INSR: variants seen among roughly 807,000 people sequenced by gnomAD.
INSR encodes insulin receptor.
A neutral mutation model predicts 142.6 loss-of-function variants in INSR; 67 were observed. The observed-to-expected ratio is 0.47, with a 90% CI of 0.39 to 0.58. The LOEUF (loss-of-function observed/expected upper bound fraction) is 0.58. INSR is among the 20% of genes least tolerant of loss of function. INSR has a pLI of 0.00. For missense variants in INSR, 1,248 were observed against 1,833.2 expected (o/e 0.68, Z 5.83); for synonymous variants, 756 against 743.1 (o/e 1.02, Z -0.28).
chr19:7,143,979 C>A (rs1481941188), intron 11 of INSR, among the ~76,000 whole-genome samples: 1 of 151,102 alleles, frequency 6.6e-6, no homozygotes, highest in Non-Finnish European at 1.5e-5. Context: ...TGCTTGAACC[C>A]GGGAGGCGGA....
chr19:7,188,212 T>G (rs1381418417), intron 2 of INSR, among the ~76,000 whole-genome samples: 1 of 152,056 alleles, frequency 6.6e-6, no homozygotes, highest in Non-Finnish European at 1.5e-5. Context: ...GCTAACACAT[T>G]ATCTCATTAC....
At chr19:7,152,439 G>A (rs1973394791) in intron 10 of INSR, 1 of 461,852 alleles carries the variant, frequency 2.2e-6, no homozygotes, top group Non-Finnish European at 4.0e-6. Context: ...AACGGAGTTT[G>A]TTTTGGAACT....
chr19:7,241,547 G>C (rs570452564), intron 2 of INSR, among the ~76,000 whole-genome samples: 1 of 151,888 alleles, frequency 6.6e-6, no homozygotes, highest in African/African-American at 2.4e-5. Flanking sequence ...ACTTGAACCC[G>C]GGAGGCAGAG....
intron 1 of INSR, among the ~76,000 whole-genome samples, chr19:7,281,822 C>T (rs991465034): frequency 2.6e-5 from 4 of 152,154 alleles, no homozygotes; most frequent in Non-Finnish European, 5.9e-5. Flanking sequence ...TTTCCACATT[C>T]CCACAAAGGC....
rs550741859 is a variant in INSR at position 7,214,680 on chromosome 19, C to T, written c.653-30043G>A. Among the ~76,000 whole-genome samples, 3 of 152,312 alleles carry T rather than the reference C, an allele frequency of 2.0e-5. No homozygotes were observed. In the East Asian group the frequency reaches 5.8e-4, roughly 29 times the overall value. On this transcript the variant is annotated intron_variant, in intron 2 of 21. Coordinates refer to ENST00000302850, the MANE Select transcript of INSR (RefSeq NM_000208.4). ...TTTGCAAATGCTGTCTTATTTCATC[C>T]ACTCAATGACCATAGAGGAAGATAT... is the stretch of plus-strand genomic sequence containing the variant.
At chr19:7,266,311 A>G (rs756399094) in intron 2 of INSR, among the ~76,000 whole-genome samples, 1 of 152,162 alleles carries the variant, frequency 6.6e-6, no homozygotes, top group South Asian at 2.1e-4. Flanking sequence ...AAGCAAGCCT[A>G]AAGAAACAAC....
rs1967770414 is a variant in INSR at position 7,267,435 on chromosome 19, C to T, written c.562G>A (p.Gly188Ser). ...DNEECGDICPGTAKGKTNCPA... is the reference protein window; with the variant it reads ...DNEECGDICPSTAKGKTNCPA... ...CAGTTGGTCTTGCCCTTCGCGGTAC[C>T]CGGACAGATGTCTCCACACTCCTCG... The change falls in exon 2 of 22, where the codon GGT becomes AGT. Residue 188 changes from glycine (G) to serine (S), a missense_variant. By Grantham distance (56) the Gly-to-Ser change is moderately conservative. This residue lies in a region of INSR where 1,069 missense variants were observed against 1,654.0 expected (regional missense o/e 0.65). Transcript: ENST00000302850. The surrounding 1 kb of genome is among the most constrained non-coding windows in gnomAD (Gnocchi z 6.3). The T allele has an allele frequency of 1.9e-6, 3 of 1,613,932 alleles. No individual in the cohort carries two copies. The highest frequency in any genetic ancestry group is 2.5e-6 in the Non-Finnish European group (3 of 1,179,996).
At chr19:7,130,002 G>A (rs1681915809) in intron 14 of INSR, among the ~76,000 whole-genome samples, 1 of 151,192 alleles carries the variant, frequency 6.6e-6, no homozygotes, top group South Asian at 2.1e-4. Flanking sequence ...GCCTCCCAAA[G>A]TTCTGGGATT....
intron 2 of INSR, among the ~76,000 whole-genome samples, chr19:7,251,257 T>C (rs1976717731): frequency 6.6e-6 from 1 of 151,962 alleles, no homozygotes; most frequent in Non-Finnish European, 1.5e-5. Flanking sequence ...CATCAATTTA[T>C]TTTATTGTGT....
intron 8 of INSR, among the ~76,000 whole-genome samples, chr19:7,164,095 A>AAG (rs1292710473): frequency 2.5e-5 from 3 of 122,388 alleles, no homozygotes; most frequent in Non-Finnish European, 5.4e-5. Context: ...ACTCCGTTAA[A>AAG]AAAAAAAAAA....
chr19:7,214,154 C>T (rs978882891), intron 2 of INSR, among the ~76,000 whole-genome samples: 6 of 152,276 alleles, frequency 3.9e-5, no homozygotes, highest in Admixed American at 6.5e-5. Flanking sequence ...AAACGCCTTA[C>T]TCATCTGAAG....
At chr19:7,178,281 C>T (rs1041856779) in intron 3 of INSR, among the ~76,000 whole-genome samples, 1 of 80,554 alleles carries the variant, frequency 1.2e-5, no homozygotes, top group African/African-American at 4.9e-5. Context: ...GGGTGGGGGG[C>T]GGTCACCAGA....
At chr19:7,154,918 CTG>C (rs988569003) in intron 9 of INSR, among the ~76,000 whole-genome samples, 5 of 151,924 alleles carry the variant, frequency 3.3e-5, no homozygotes, top group Admixed American at 6.6e-5. Flanking sequence ...CAGCGAGACT[CTG>C]TCTCAAAAAA....
intron 12 of INSR, among the ~76,000 whole-genome samples, chr19:7,142,024 T>C (rs78836868): frequency 1.3e-5 from 2 of 152,016 alleles, no homozygotes; most frequent in East Asian, 3.9e-4. Flanking sequence ...TTTTTTTTTT[T>C]GAGACAGAGT....
intron 3 of INSR, among the ~76,000 whole-genome samples, chr19:7,175,919 T>C (rs1420409306): frequency 6.6e-6 from 1 of 151,946 alleles, no homozygotes; most frequent in Non-Finnish European, 1.5e-5. Flanking sequence ...ACCACTGCCT[T>C]AAGTGAGAGA....
intron 11 of INSR, among the ~76,000 whole-genome samples, chr19:7,146,779 TC>T (rs1055741833): frequency 6.6e-6 from 1 of 152,208 alleles, no homozygotes; most frequent in African/African-American, 2.4e-5. Context: ...TCTTTTTGAA[TC>T]CATTTAGACA....
chr19:7,119,597 T>C lies in INSR; in HGVS notation c.3660-14A>G, dbSNP rs1331043365. On this transcript the variant is annotated splice_polypyrimidine_tract_variant and intron_variant, in intron 20 of 21. Transcript: ENST00000302850. The surrounding 1 kb of genome is among the most constrained non-coding windows in gnomAD (Gnocchi z 5.2). The stretch of plus-strand genomic sequence containing the variant: ...ACGCCAAAGGACCTGCCGATGACAG[T>C]TGATAGTAGTAACAAAGAAGCCATT... 1.9e-6 allele frequency: 3 copies of C among 1,613,546 alleles called. No homozygotes were observed. The highest frequency in any genetic ancestry group is 8.5e-7 in the Non-Finnish European group (1 of 1,179,968).
intron 2 of INSR, among the ~76,000 whole-genome samples, chr19:7,190,042 C>T (rs1974536100): frequency 6.6e-6 from 1 of 151,868 alleles, no homozygotes; most frequent in Non-Finnish European, 1.5e-5. Context: ...AAATTATTTT[C>T]ATCTCAGAGA....
chr19:7,206,386 T>C (rs985612435), intron 2 of INSR, among the ~76,000 whole-genome samples: 7 of 152,142 alleles, frequency 4.6e-5, no homozygotes, highest in African/African-American at 1.7e-4. Context: ...TTGCCCAGTC[T>C]AGTTTCAAAC....
Sources: allele counts gnomAD v4.1 joint callset (sites outside exome capture counted in the v4.1 genomes callset), GRCh38; gene constraint gnomAD v4.1.1; regional missense constraint gnomAD v4.1.1; non-coding constraint Gnocchi (gnomAD v3.1); transcripts MANE v1.5; gene names NCBI Gene and HGNC (gene_info 2026-07-23, HGNC 2026-07-21).